FMN2: variants seen among roughly 807,000 people sequenced by gnomAD.
FMN2 encodes formin 2.
A neutral mutation model predicts 142.3 loss-of-function variants in FMN2; 51 were observed. That is an observed-to-expected ratio of 0.36 (90% CI 0.29 to 0.45). The LOEUF is 0.45. Ranked by LOEUF, FMN2 falls within the 20% of genes least tolerant of loss-of-function variation. The probability of loss-of-function intolerance (pLI) is 1.00; values close to 1 mark genes in which losing one functional copy is unlikely to be tolerated. For synonymous variants in FMN2, 882 were observed against 869.8 expected, an observed-to-expected ratio of 1.01 and a Z score of -0.25; for missense variants, 1,936 against 2,122.8, an observed-to-expected ratio of 0.91 and a Z score of 1.73.
chr1:240,428,990 A>T (rs1207062349), intron 15 of FMN2, among the ~76,000 whole-genome samples: 1 of 152,130 alleles, frequency 6.6e-6, no homozygotes, highest in African/African-American at 2.4e-5. Context: ...ATCTTTTTTT[A>T]AAATTTCTCT....
intron 14 of FMN2, among the ~76,000 whole-genome samples, chr1:240,386,328 T>A (rs1388346807): frequency 6.6e-6 from 1 of 152,188 alleles, no homozygotes; most frequent in Non-Finnish European, 1.5e-5. Context: ...CATTCATAGC[T>A]AATTATAAAC....
rs1328579774 is a variant in FMN2 at position 240,474,237 on chromosome 1, G to A, written c.*83G>A. 23 of 1,234,544 alleles carry A rather than the reference G, an allele frequency of 1.9e-5. No individual in the cohort carries two copies. In the African/African-American group the frequency reaches 2.1e-4, roughly 11 times the overall value. The allele number at this position is 1,234,544 out of a possible 1,614,324, so 76.5% of individuals were successfully genotyped here. On this transcript the variant is annotated 3_prime_UTR_variant, in exon 18 of 18. Coordinates refer to ENST00000319653, the MANE Select transcript of FMN2 (RefSeq NM_020066.5). ...ACCTGAGAGTGGGAGGGAAACTACCGTCATTCTGCTCATGTTTCTTCTTGA... is the reference window on the plus strand; with the variant it reads ...ACCTGAGAGTGGGAGGGAAACTACCATCATTCTGCTCATGTTTCTTCTTGA...
rs575261046 is a variant in FMN2 at position 240,093,018 on chromosome 1, G to C, written c.909G>C (p.Glu303Asp). 7.2e-7 allele frequency: 1 copy of C among 1,396,868 alleles called. No homozygotes were observed. The highest frequency in any genetic ancestry group is 1.5e-5 in the African/African-American group (1 of 65,548). 86.5% of individuals were successfully genotyped at this position (1,396,868 alleles called of 1,614,324 possible). ...CCCCCGGCGGCCTCCCGGTCTCCGA[G>C]GCGCCCAGTCTCCCGGCAGCGCAAC... The part of the protein sequence containing the change: ...PPSPGGLPVS[E>D]APSLPAAQPA... The change falls in exon 1 of 18, where the codon GAG becomes GAC. Residue 303 changes from glutamate to aspartate, a missense_variant. Glu to Asp is a conservative substitution (Grantham distance 45). Coordinates refer to ENST00000319653, the MANE Select transcript of FMN2 (RefSeq NM_020066.5).
rs1244536577 is a variant in FMN2 at position 240,417,580 on chromosome 1, C to A, written c.4911-20481C>A. ...CCAGTGCCAGAGTTGAAACAAGTTT[C>A]CTTACTGTCCCTTTCAGCATGGGAA... On this transcript the variant is annotated intron_variant, in intron 15 of 17. Transcript: ENST00000319653. Among the ~76,000 whole-genome samples, 3 of 150,988 alleles carry A rather than the reference C, an allele frequency of 2.0e-5. No homozygotes were observed. In the South Asian group the frequency reaches 6.3e-4, roughly 32 times the overall value.
intron 1 of FMN2, among the ~76,000 whole-genome samples, chr1:240,112,845 AG>A (rs1201679581): frequency 6.6e-6 from 1 of 152,136 alleles, no homozygotes; most frequent in Admixed American, 6.5e-5. Context: ...TCCGGGCCCT[AG>A]GGACTGACCT....
intron 15 of FMN2, among the ~76,000 whole-genome samples, chr1:240,430,619 T>C (rs1009796666): frequency 2.6e-5 from 4 of 151,974 alleles, no homozygotes; most frequent in South Asian, 2.1e-4. Context: ...AGAAGCCTTA[T>C]GTTTCTGTCT....
intron 16 of FMN2, among the ~76,000 whole-genome samples, chr1:240,452,124 G>A (rs1338750340): frequency 1.3e-5 from 2 of 151,870 alleles, no homozygotes; most frequent in African/African-American, 4.8e-5. Context: ...CTGGGAGGCA[G>A]GGGTTGCAGT....
intron 2 of FMN2, among the ~76,000 whole-genome samples, chr1:240,142,053 T>C (rs892244536): frequency 6.6e-6 from 1 of 152,184 alleles, no homozygotes; most frequent in Admixed American, 6.5e-5. Context: ...ACAGTTTTGA[T>C]CACAGACTGA....
chr1:240,438,338 A>C, intron 16 of FMN2, 128 bp downstream of exon 16: 1 of 1,004,038 alleles, frequency 1.0e-6, no homozygotes, highest in Non-Finnish European at 1.4e-6. Flanking sequence ...TAGCAAGTTG[A>C]AGAGGATGCT....
chr1:240,314,931 C>T (rs1485913780), intron 8 of FMN2, among the ~76,000 whole-genome samples: 1 of 152,184 alleles, frequency 6.6e-6, no homozygotes, highest in African/African-American at 2.4e-5. Context: ...AAAGTGTTTC[C>T]TGCGCATTCA....
intron 15 of FMN2, among the ~76,000 whole-genome samples, chr1:240,422,753 A>C (rs1233479055): frequency 1.3e-5 from 2 of 152,092 alleles, no homozygotes; most frequent in Admixed American, 1.3e-4. Flanking sequence ...TCTTATTGCA[A>C]TAAATATAAG....
intron 15 of FMN2, among the ~76,000 whole-genome samples, chr1:240,413,039 T>C (rs536522802): frequency 7.7e-6 from 1 of 130,406 alleles, no homozygotes; most frequent in East Asian, 2.3e-4. Flanking sequence ...AGGAGAATGG[T>C]GTGAACCTGG....
At chr1:240,394,879 A>C (rs1233695123) in intron 15 of FMN2, among the ~76,000 whole-genome samples, 3 of 152,158 alleles carry the variant, frequency 2.0e-5, no homozygotes. Context: ...GAGGCAGGAG[A>C]ATCGCTTGAA....
Position 240,334,138 on chromosome 1 carries a change from A to G in FMN2, c.4674A>G (p.Pro1558=). 1.9e-6 allele frequency: 3 copies of G among 1,604,932 alleles called. No individual in the cohort carries two copies. The highest frequency in any genetic ancestry group is 2.3e-5 in the South Asian group (2 of 88,300). ...CTGGAAAAGAACAGTGCCTCTTTCC[A>G]CTGCCAGAACCCCAGGACCTTTTTC... The part of the protein sequence containing the change: ...EDAGKEQCLF[P]LPEPQDLFQA... Residue 1558 remains proline (P), a synonymous_variant, in exon 13 of 18, where the codon CCA becomes CCG. Coordinates refer to ENST00000319653, the MANE Select transcript of FMN2 (RefSeq NM_020066.5).
At chr1:240,240,489 C>T (rs1667857551) in intron 6 of FMN2, among the ~76,000 whole-genome samples, 1 of 152,164 alleles carries the variant, frequency 6.6e-6, no homozygotes, top group Non-Finnish European at 1.5e-5. Context: ...TTATTATCTG[C>T]ATCACGTCTT....
intron 1 of FMN2, among the ~76,000 whole-genome samples, chr1:240,108,189 A>T (rs181344819): frequency 1.4e-4 from 22 of 152,302 alleles, no homozygotes; most frequent in Admixed American, 1.3e-3. Context: ...CAGGGAGTTC[A>T]TCATCCTTGT....
At chr1:240,309,674 C>T (rs1490313765) in intron 8 of FMN2, among the ~76,000 whole-genome samples, 6 of 152,092 alleles carry the variant, frequency 3.9e-5, no homozygotes, top group Admixed American at 2.6e-4. Context: ...AGGAAGAGGA[C>T]CCCCTTCCTC....
chr1:240,114,376 C>T (rs1661936033), intron 1 of FMN2, among the ~76,000 whole-genome samples: 1 of 152,076 alleles, frequency 6.6e-6, no homozygotes, highest in Non-Finnish European at 1.5e-5. Flanking sequence ...CTGAGTTCTC[C>T]TTTCTTTTGT....
At chr1:240,141,785 A>G (rs567431452) in intron 2 of FMN2, among the ~76,000 whole-genome samples, 8 of 152,130 alleles carry the variant, frequency 5.3e-5, no homozygotes, top group Non-Finnish European at 1.2e-4. Context: ...CTGAGACTGG[A>G]TTTCACTATT....
Sources: gnomAD v4.1 joint callset for allele counts (sites outside exome capture counted in the v4.1 genomes callset) on GRCh38, gnomAD v4.1.1 for gene constraint, MANE v1.5 for transcripts, NCBI Gene and HGNC (gene_info 2026-07-23, HGNC 2026-07-21) for gene names.